Variants in SMAD1 observed in about 807,000 individuals in gnomAD.
SMAD1 encodes the protein SMAD family member 1, also known as MAD, mothers against decapentaplegic homolog 1.
Under a neutral mutation model 41.6 loss-of-function variants are expected in SMAD1, and 6 were observed. The observed-to-expected ratio is 0.14, with a 90% CI of 0.08 to 0.28. The LOEUF is 0.28. SMAD1 is among the 10% of genes least tolerant of loss of function. The pLI is 1.00. For synonymous variants in SMAD1, 206 were observed against 203.2 expected (o/e 1.01, Z -0.12); for missense variants, 379 against 582.6 (o/e 0.65, Z 3.60).
intron 1 of SMAD1, among the ~76,000 whole-genome samples, chr4:145,512,331 C>T (rs1468437113): frequency 6.6e-6 from 1 of 152,142 alleles, no homozygotes; most frequent in Non-Finnish European, 1.5e-5. Flanking sequence ...AAAAATATTG[C>T]TCTGTTACAG....
intron 5 of SMAD1, among the ~76,000 whole-genome samples, chr4:145,549,664 G>A (rs1578828327): frequency 6.6e-6 from 1 of 152,188 alleles, no homozygotes; most frequent in East Asian, 1.9e-4. Context: ...GACCTACTAT[G>A]AAATTTAGAA....
rs1730263415 is a variant in SMAD1 at position 145,514,465 on chromosome 4, C to G, written c.-149C>G. 7.0e-6 allele frequency: 5 copies of G among 716,404 alleles called. No individual in the cohort carries two copies. Among genetic ancestry groups the G allele is most frequent in the Non-Finnish European group, 1.1e-5 (5 of 454,176 alleles). The allele number at this position is 716,404 out of a possible 1,614,324, so 44.4% of individuals were successfully genotyped here. Reference sequence around the variant, plus strand: ...GCTGACTGGGTTACTTTTTTAAACACTAGGAATGGTAATTTCTACTCTTCT... The same window carrying G: ...GCTGACTGGGTTACTTTTTTAAACAGTAGGAATGGTAATTTCTACTCTTCT... On this transcript the variant is annotated 5_prime_UTR_variant, in exon 2 of 7. Transcript: ENST00000302085. This position sits in a 1 kb window ranked among gnomAD's most constrained non-coding sequence, Gnocchi z 4.7.
chr4:145,484,658 C>G (rs2126925602), intron 1 of SMAD1: 1 of 152,240 alleles, frequency 6.6e-6, no homozygotes, highest in South Asian at 2.1e-4. Context: ...CAGAGATATT[C>G]AATCTGAATT....
intron 4 of SMAD1, chr4:145,545,117 G>A (rs1011810441): frequency 6.6e-6 from 1 of 151,846 alleles, no homozygotes; most frequent in Non-Finnish European, 1.5e-5. Flanking sequence ...ACAAACTACA[G>A]CCCACAGGCC....
chr4:145,550,984 T>C (rs939489412), intron 5 of SMAD1, among the ~76,000 whole-genome samples: 3 of 152,200 alleles, frequency 2.0e-5, no homozygotes, highest in Admixed American at 6.5e-5. Context: ...TTAAAACAAC[T>C]CTTTTCAGAA....
rs142049751 is a variant in SMAD1 at position 145,514,898 on chromosome 4, C to T, written c.285C>T (p.Pro95=). The part of the protein sequence containing the change: ...HVIYCRVWRW[P]DLQSHHELKP... ...TTTACTGCCGTGTGTGGCGCTGGCCCGATCTTCAGAGCCACCATGAACTAA... is the reference window on the plus strand; with the variant it reads ...TTTACTGCCGTGTGTGGCGCTGGCCTGATCTTCAGAGCCACCATGAACTAA... Residue 95 remains proline (P), a synonymous_variant, in exon 2 of 7, where the codon CCC becomes CCT. Coordinates refer to ENST00000302085, the MANE Select transcript of SMAD1 (RefSeq NM_005900.3). This position sits in a 1 kb window ranked among gnomAD's most constrained non-coding sequence, Gnocchi z 4.7. 1.0e-4 allele frequency: 162 copies of T among 1,613,808 alleles called. No individual in the cohort carries two copies. Among genetic ancestry groups the T allele is most frequent in the Non-Finnish European group, 1.3e-4 (153 of 1,179,960 alleles).
At chr4:145,547,559 A>G (rs997970090) in intron 5 of SMAD1, among the ~76,000 whole-genome samples, 3 of 152,228 alleles carry the variant, frequency 2.0e-5, no homozygotes, top group South Asian at 2.1e-4. Context: ...GAGTAGGGGT[A>G]GGATTTCAAA....
intron 2 of SMAD1, among the ~76,000 whole-genome samples, chr4:145,528,094 TACAC>T (rs1467435348): frequency 2.5e-5 from 3 of 119,726 alleles, no homozygotes; most frequent in Non-Finnish European, 5.4e-5. Context: ...CACACACACA[TACAC>T]ACACATATAT....
chr4:145,527,702 C>A lies in SMAD1; in HGVS notation c.401-12102C>A, dbSNP rs189346164. 2.0e-5 allele frequency among the ~76,000 whole-genome samples: 3 copies of A among 152,120 alleles called. No homozygotes were observed. In the East Asian group the frequency reaches 5.8e-4, roughly 30 times the overall value. ...TGCTATACTGCTTCCCAAAAGAAGTCTTTAATCAGTTTTCTCTCAACAAAA... is the reference window on the plus strand; with the variant it reads ...TGCTATACTGCTTCCCAAAAGAAGTATTTAATCAGTTTTCTCTCAACAAAA... On this transcript the variant is annotated intron_variant, in intron 2 of 6. Transcript: ENST00000302085.
intron 1 of SMAD1, among the ~76,000 whole-genome samples, chr4:145,508,277 C>T (rs1729897303): frequency 6.6e-6 from 1 of 152,024 alleles, no homozygotes. Flanking sequence ...GCGGATTAAA[C>T]CCTAGCATTT....
At chr4:145,504,496 C>T (rs1258551180) in intron 1 of SMAD1, among the ~76,000 whole-genome samples, 1 of 152,146 alleles carries the variant, frequency 6.6e-6, no homozygotes, top group Non-Finnish European at 1.5e-5. Flanking sequence ...TTGTTAGGAA[C>T]CATTTACAAT....
At chr4:145,540,096 T>C (rs752013723) in intron 3 of SMAD1, 35 bp downstream of exon 3, 82 of 1,611,672 alleles carry the variant, frequency 5.1e-5, no homozygotes, top group East Asian at 8.9e-5. Flanking sequence ...TCTGTAGTCA[T>C]ATCAGACAGT....
chr4:145,535,999 AATT>A (rs1731592261), intron 2 of SMAD1, among the ~76,000 whole-genome samples: 1 of 151,786 alleles, frequency 6.6e-6, no homozygotes, highest in Non-Finnish European at 1.5e-5. Flanking sequence ...AAAAAAAAAA[AATT>A]AAAGAGAATA....
At position 145,558,370 on chromosome 4, in the gene SMAD1, C is replaced by T. The variant is rs1433492697; in HGVS notation, c.*436C>T. ...AGGTTTAGAGCCCATGTTGAGTCTT[C>T]TTTTCATGGGTTTTCATAATATTTT... On this transcript the variant is annotated 3_prime_UTR_variant, in exon 7 of 7. Coordinates refer to ENST00000302085, the MANE Select transcript of SMAD1 (RefSeq NM_005900.3). Among the ~76,000 whole-genome samples, 1 of 152,146 alleles carries T rather than the reference C, an allele frequency of 6.6e-6. No individual in the cohort carries two copies. The highest frequency in any genetic ancestry group is 1.5e-5 in the Non-Finnish European group (1 of 68,010).
At position 145,558,624 on chromosome 4, in the gene SMAD1, A is replaced by C. The variant is rs1732973962; in HGVS notation, c.*690A>C. Among the ~76,000 whole-genome samples, 2 of 152,120 alleles carry C rather than the reference A, an allele frequency of 1.3e-5. No individual in the cohort carries two copies. On this transcript the variant is annotated 3_prime_UTR_variant, in exon 7 of 7. Coordinates refer to ENST00000302085, the MANE Select transcript of SMAD1 (RefSeq NM_005900.3). ...GGGTGGGGGGAAGAGGGAAATGACAACTGCAAATGTAGACTATACTGTAAA... is the reference window on the plus strand; with the variant it reads ...GGGTGGGGGGAAGAGGGAAATGACACCTGCAAATGTAGACTATACTGTAAA...
In SMAD1 at chr4:145,558,900, G is replaced by A. The variant is rs1732987880; in HGVS notation, c.*966G>A. ...GAATTTAATAAGCAGTTTTTACGGA[G>A]TTTACAGTACAGAAATAGGCTTTAA... is the stretch of plus-strand genomic sequence containing the variant. On this transcript the variant is annotated 3_prime_UTR_variant, in exon 7 of 7. Transcript: ENST00000302085. Among the ~76,000 whole-genome samples the A allele has an allele frequency of 6.6e-6, 1 of 152,106 alleles. No individual in the cohort carries two copies. The highest frequency in any genetic ancestry group is 2.4e-5 in the African/African-American group (1 of 41,418).
chr4:145,523,601 A>G (rs1361758774), intron 2 of SMAD1, among the ~76,000 whole-genome samples: 4 of 152,198 alleles, frequency 2.6e-5, no homozygotes, highest in East Asian at 1.9e-4. Context: ...AACTATCGTT[A>G]TTATATGTTT....
chr4:145,548,097 G>A (rs1167745300), intron 5 of SMAD1, among the ~76,000 whole-genome samples: 1 of 152,146 alleles, frequency 6.6e-6, no homozygotes, highest in African/African-American at 2.4e-5. Flanking sequence ...AAGTGCTTAT[G>A]GAACTCATGG....
At chr4:145,490,517 GTTAA>G (rs1202002653) in intron 1 of SMAD1, among the ~76,000 whole-genome samples, 12 of 152,254 alleles carry the variant, frequency 7.9e-5, no homozygotes, top group African/African-American at 2.9e-4. Flanking sequence ...AGGAGACTAG[GTTAA>G]TTGTTACTTT....
Sources: gnomAD v4.1 joint callset for allele counts (sites outside exome capture counted in the v4.1 genomes callset) on GRCh38, gnomAD v4.1.1 for gene constraint, Gnocchi (gnomAD v3.1) non-coding constraint, MANE v1.5 for transcripts, NCBI Gene and HGNC (gene_info 2026-07-23, HGNC 2026-07-21) for gene names.